The following CDH4 variants were observed in gnomAD, a reference collection of about 807,000 sequenced individuals.
CDH4 encodes the protein cadherin 4.
Under a neutral mutation model 86.0 loss-of-function variants are expected in CDH4, and 33 were observed. The observed-to-expected ratio is 0.38, with a 90% CI of 0.29 to 0.51. The LOEUF (loss-of-function observed/expected upper bound fraction) is 0.51. Ranked by LOEUF, CDH4 falls within the 20% of genes least tolerant of loss-of-function variation. The pLI is 0.86. For missense variants in CDH4, 1,114 were observed against 1,307.4 expected, an observed-to-expected ratio of 0.85 and a Z score of 2.28; for synonymous variants, 555 against 549.4, an observed-to-expected ratio of 1.01 and a Z score of -0.14.
intron 6 of CDH4, among the ~76,000 whole-genome samples, chr20:61,868,614 A>C (rs1033211032): frequency 1.3e-5 from 2 of 152,178 alleles, no homozygotes; most frequent in Non-Finnish European, 2.9e-5. Context: ...TGTCCCCTCC[A>C]CGCTGGCTGA....
intron 2 of CDH4, among the ~76,000 whole-genome samples, chr20:61,384,954 A>C (rs1229024352): frequency 6.6e-6 from 1 of 152,044 alleles, no homozygotes; most frequent in African/African-American, 2.4e-5. Context: ...ATCATATCTA[A>C]CTCTGAGCTA....
rs1344721433 is a variant in CDH4 at position 61,544,275 on chromosome 20, G to A, written c.170-199288G>A. Reference sequence around the variant, plus strand: ...TGGCGGGGTACGGCTGACATCGAGCGGGTGGAGGCTGGGTACGGCTAAACA... The same window carrying A: ...TGGCGGGGTACGGCTGACATCGAGCAGGTGGAGGCTGGGTACGGCTAAACA... On this transcript the variant is annotated intron_variant, in intron 2 of 15. Coordinates refer to ENST00000614565, the MANE Select transcript of CDH4 (RefSeq NM_001794.5). The surrounding 1 kb of genome is among the most constrained non-coding windows in gnomAD (Gnocchi z 6.5). 6.6e-6 allele frequency among the ~76,000 whole-genome samples: 1 copy of A among 152,034 alleles called. No homozygotes were observed. Among genetic ancestry groups the A allele is most frequent in the Non-Finnish European group, 1.5e-5 (1 of 68,000 alleles).
chr20:61,564,837 C>T (rs2086252073), intron 2 of CDH4, among the ~76,000 whole-genome samples: 1 of 152,164 alleles, frequency 6.6e-6, no homozygotes, highest in Non-Finnish European at 1.5e-5. Context: ...AGCAGCCCTT[C>T]CCATAGCAGG....
intron 2 of CDH4, among the ~76,000 whole-genome samples, chr20:61,462,279 A>G (rs1400365407): frequency 6.6e-6 from 1 of 152,226 alleles, no homozygotes; most frequent in Non-Finnish European, 1.5e-5. Context: ...AGGATATCTT[A>G]AGATTTCAGT....
intron 2 of CDH4, among the ~76,000 whole-genome samples, chr20:61,693,856 G>A (rs1317949759): frequency 1.4e-5 from 2 of 145,088 alleles, no homozygotes; most frequent in African/African-American, 5.1e-5. Flanking sequence ...CCTTCCTACT[G>A]AAAACGCTTC....
intron 2 of CDH4, among the ~76,000 whole-genome samples, chr20:61,329,300 T>C (rs2084555459): frequency 6.6e-6 from 1 of 152,312 alleles, no homozygotes; most frequent in Non-Finnish European, 1.5e-5. Flanking sequence ...CCCAGTGTGC[T>C]GCGGTGGATT....
chr20:61,933,776 G>A (rs928594600), intron 14 of CDH4, among the ~76,000 whole-genome samples: 1 of 152,176 alleles, frequency 6.6e-6, no homozygotes, highest in African/African-American at 2.4e-5. Context: ...CGTGGTTGGT[G>A]AGCAGCGTGG....
At chr20:61,489,676 T>G (rs2085615384) in intron 2 of CDH4, among the ~76,000 whole-genome samples, 1 of 152,228 alleles carries the variant, frequency 6.6e-6, no homozygotes. Context: ...CACAGACGCT[T>G]TGCACGCATT....
intron 1 of CDH4, among the ~76,000 whole-genome samples, chr20:61,254,391 A>G (rs1409905561): frequency 4.6e-5 from 7 of 152,218 alleles, no homozygotes; most frequent in Non-Finnish European, 8.8e-5. Context: ...CCTCCGCCTT[A>G]CCAAGAGCGC....
chr20:61,605,225 T>C (rs547193486), intron 2 of CDH4, among the ~76,000 whole-genome samples: 23 of 152,274 alleles, frequency 1.5e-4, no homozygotes, highest in African/African-American at 4.6e-4. Flanking sequence ...TGGCTTTGGA[T>C]GAATGCCCTC....
At chr20:61,651,174 G>A (rs1157690816) in intron 2 of CDH4, among the ~76,000 whole-genome samples, 3 of 152,072 alleles carry the variant, frequency 2.0e-5, no homozygotes, top group South Asian at 2.1e-4. Context: ...GCTTGGTCAC[G>A]CACTGGTGTG....
chr20:61,815,793 A>T (rs1321574454), intron 4 of CDH4, among the ~76,000 whole-genome samples: 1 of 152,208 alleles, frequency 6.6e-6, no homozygotes, highest in Non-Finnish European at 1.5e-5. Context: ...ATCCTAGATT[A>T]TCAAATGCAA....
chr20:61,723,928 AG>A (rs1180565547), intron 2 of CDH4, among the ~76,000 whole-genome samples: 1 of 124,050 alleles, frequency 8.1e-6, no homozygotes, highest in Non-Finnish European at 1.7e-5. Flanking sequence ...TCCATGTGGC[AG>A]GGGGGTAGGT....
chr20:61,769,838 C>G (rs945686251), intron 3 of CDH4, among the ~76,000 whole-genome samples: 1 of 152,208 alleles, frequency 6.6e-6, no homozygotes, highest in Non-Finnish European at 1.5e-5. Context: ...TGGGATTAAT[C>G]TGGTCTTTCT....
intron 2 of CDH4, among the ~76,000 whole-genome samples, chr20:61,484,134 G>A (rs2085583275): frequency 6.6e-6 from 1 of 151,904 alleles, no homozygotes; most frequent in Non-Finnish European, 1.5e-5. Flanking sequence ...CTCACCCCTG[G>A]GAAGCAGCAT....
At chr20:61,695,042 T>C (rs1344563565) in intron 2 of CDH4, among the ~76,000 whole-genome samples, 1 of 152,112 alleles carries the variant, frequency 6.6e-6, no homozygotes, top group African/African-American at 2.4e-5. Flanking sequence ...GTGCAGAAAA[T>C]ATGTGCAACG....
chr20:61,638,974 T>C (rs2427214), intron 2 of CDH4, among the ~76,000 whole-genome samples: 94,567 of 152,112 alleles, frequency 0.62, 29,880 homozygotes, highest in African/African-American at 0.73. Context: ...ACGGAATGAA[T>C]GACGCCATGT....
At chr20:61,858,273 ATGTGTGTCTG>A (rs559898782) in intron 6 of CDH4, among the ~76,000 whole-genome samples, 830 of 58,836 alleles carry the variant, frequency 0.014, 4 homozygotes, top group Non-Finnish European at 0.017. Flanking sequence ...GTCTGTGTCT[ATGTGTGTCTG>A]TGTCTGTGTG....
chr20:61,770,158 C>T (rs985508178), intron 3 of CDH4, among the ~76,000 whole-genome samples: 2 of 152,158 alleles, frequency 1.3e-5, no homozygotes, highest in Non-Finnish European at 2.9e-5. Flanking sequence ...GCCCCCGCCC[C>T]TTGTCATCAT....
Sources: allele counts gnomAD v4.1 joint callset (sites outside exome capture counted in the v4.1 genomes callset), GRCh38; gene constraint gnomAD v4.1.1; non-coding constraint Gnocchi (gnomAD v3.1); transcripts MANE v1.5; gene names NCBI Gene and HGNC (gene_info 2026-07-23, HGNC 2026-07-21).